SMOC2: variants seen among roughly 807,000 people sequenced by gnomAD.
SMOC2 encodes SPARC-related modular calcium-binding protein 2.
A neutral mutation model predicts 61.4 loss-of-function variants in SMOC2; 39 were observed. The ratio of observed to expected loss-of-function variants is 0.64; its 90% CI spans 0.49 to 0.83. The LOEUF (loss-of-function observed/expected upper bound fraction) is 0.83, where lower values mean the gene tolerates loss of function less well. Ranked by LOEUF, SMOC2 falls within the 40% of genes least tolerant of loss-of-function variation. SMOC2 has a pLI of 0.00. For missense variants in SMOC2, 556 were observed against 592.9 expected (o/e 0.94, Z 0.65); for synonymous variants, 247 against 239.9 (o/e 1.03, Z -0.27).
intron 1 of SMOC2, among the ~76,000 whole-genome samples, chr6:168,457,901 C>T (rs1239949942): frequency 6.6e-6 from 1 of 152,074 alleles, no homozygotes; most frequent in Non-Finnish European, 1.5e-5. Context: ...AGGTGGGGGG[C>T]CCTTGCAGCC....
At chr6:168,505,010 A>G (rs1782830279) in intron 1 of SMOC2, among the ~76,000 whole-genome samples, 1 of 152,198 alleles carries the variant, frequency 6.6e-6, no homozygotes, top group African/African-American at 2.4e-5. Context: ...TGCGAGATGA[A>G]TGAGTGAATG....
rs554527770 is a variant in SMOC2, at chr6:168,661,628, G to GT, written c.1286-2437dup. Among the ~76,000 whole-genome samples the GT allele has an allele frequency of 4.6e-5, 7 of 151,572 alleles. No individual in the cohort carries two copies. The South Asian group carries it at 6.3e-4, about 14-fold the overall frequency. ...CCTCCCCCCAAAAAAAAGAATATTAGTTTTTTTTTATAACTTTAATTTACA... is the reference window on the plus strand; with the variant it reads ...CCTCCCCCCAAAAAAAAGAATATTAGTTTTTTTTTTATAACTTTAATTTACA... On this transcript the variant is annotated intron_variant, in intron 11 of 12. Transcript: ENST00000356284.
intron 4 of SMOC2, among the ~76,000 whole-genome samples, chr6:168,540,991 G>T (rs13208789): frequency 0.24 from 36,602 of 152,126 alleles, 5,804 homozygotes; most frequent in Non-Finnish European, 0.35. Context: ...GCATAACACC[G>T]TTCCCTCCAC....
intron 1 of SMOC2, among the ~76,000 whole-genome samples, chr6:168,451,599 G>GTCTCTGTC (rs1781465084): frequency 1.4e-5 from 2 of 145,532 alleles, no homozygotes; most frequent in African/African-American, 2.5e-5. Flanking sequence ...CTCTGTCTCT[G>GTCTCTGTC]TCTCTCTCTC....
intron 2 of SMOC2, among the ~76,000 whole-genome samples, chr6:168,513,480 TACATACACACAC>T (rs1255933516): frequency 6.0e-3 from 34 of 5,654 alleles, no homozygotes; most frequent in African/African-American, 9.8e-3. Flanking sequence ...CACACACACA[TACATACACACAC>T]ACACACACAC....
Position 168,549,130 on chromosome 6 carries a change from T to G in SMOC2, c.564T>G (p.Asp188Glu), listed in dbSNP as rs749504038. 1 of 1,613,822 alleles carries G rather than the reference T, an allele frequency of 6.2e-7. No homozygotes were observed. The highest frequency in any genetic ancestry group is 1.1e-5 in the South Asian group (1 of 91,048). ...TTGTCATTTCATTTTGGTTCATAGATATTGCATCACGTTACCCTACCCTTT... is the reference window on the plus strand; with the variant it reads ...TTGTCATTTCATTTTGGTTCATAGAGATTGCATCACGTTACCCTACCCTTT... ...LETQPQGDEE[D>E]IASRYPTLWT... Residue 188 changes from aspartate to glutamate, a missense_variant and splice_region_variant, in exon 7 of 13, where the codon GAT becomes GAG. Asp to Glu is a conservative substitution (Grantham distance 45). Transcript: ENST00000356284.
chr6:168,667,429 G>C lies in SMOC2; in HGVS notation c.*991G>C, dbSNP rs942757471. 6.6e-6 allele frequency: 1 copy of C among 152,224 alleles called. No homozygotes were observed. The highest frequency in any genetic ancestry group is 2.1e-4 in the South Asian group (1 of 4,834). The allele number at this position is 152,224 out of a possible 1,614,324, so 9.4% of individuals were successfully genotyped here. A position where few individuals can be genotyped will look rare whatever the true frequency, so the allele number is the denominator to read the frequency against. On this transcript the variant is annotated 3_prime_UTR_variant, in exon 13 of 13. Coordinates refer to ENST00000356284, the MANE Select transcript of SMOC2 (RefSeq NM_001166412.2). ...CCCCGGGGCTGGTGTTGGCAGCCGG[G>C]GGGAGGTGCCTGAGGGTCCCCACGG...
chr6:168,531,423 T>G (rs980727427), intron 4 of SMOC2, among the ~76,000 whole-genome samples: 26 of 152,354 alleles, frequency 1.7e-4, no homozygotes, highest in African/African-American at 5.5e-4. Flanking sequence ...TCCCCACATG[T>G]ACACATTTCT....
At chr6:168,595,721 C>T (rs1427205589) in intron 7 of SMOC2, among the ~76,000 whole-genome samples, 2 of 152,212 alleles carry the variant, frequency 1.3e-5, no homozygotes, top group Non-Finnish European at 2.9e-5. Flanking sequence ...TTTATATAAA[C>T]ATACACGAAG....
At chr6:168,527,543 C>T (rs539457048) in intron 3 of SMOC2, 85 bp from the exon 4 acceptor site, 7 of 954,488 alleles carry the variant, frequency 7.3e-6, no homozygotes, top group East Asian at 2.7e-5. Flanking sequence ...TGAGCCACTG[C>T]CGCAGAAAGC....
intron 7 of SMOC2, among the ~76,000 whole-genome samples, chr6:168,569,176 A>G (rs545789948): frequency 1.1e-3 from 162 of 152,334 alleles, no homozygotes; most frequent in Non-Finnish European, 1.4e-3. Flanking sequence ...CCTGCTTTGT[A>G]GCCTCCCCAG....
intron 11 of SMOC2, among the ~76,000 whole-genome samples, chr6:168,653,435 G>T (rs941693719): frequency 1.3e-5 from 2 of 152,270 alleles, no homozygotes; most frequent in African/African-American, 4.8e-5. Flanking sequence ...GAGAGCCCAG[G>T]CTCAAAGGGC....
intron 1 of SMOC2, among the ~76,000 whole-genome samples, chr6:168,493,635 C>T (rs897058803): frequency 6.6e-6 from 1 of 152,140 alleles, no homozygotes; most frequent in Non-Finnish European, 1.5e-5. Flanking sequence ...AGTATTGCAA[C>T]TTAAAATTAT....
intron 9 of SMOC2, among the ~76,000 whole-genome samples, chr6:168,623,149 A>T (rs995327623): frequency 1.2e-4 from 19 of 152,100 alleles, no homozygotes; most frequent in African/African-American, 4.3e-4. Context: ...GTATCTCTAT[A>T]GAAATGCTCT....
intron 11 of SMOC2, among the ~76,000 whole-genome samples, chr6:168,657,115 A>C (rs1052451148): frequency 6.6e-6 from 1 of 152,228 alleles, no homozygotes. Flanking sequence ...CCCACTCACC[A>C]CTGTGGGAAG....
chr6:168,584,227 G>C (rs1185562082), intron 7 of SMOC2, among the ~76,000 whole-genome samples: 1 of 152,218 alleles, frequency 6.6e-6, no homozygotes, highest in South Asian at 2.1e-4. Flanking sequence ...TGGACGTGAA[G>C]ACCACCTGTG....
intron 10 of SMOC2, 138 bp from the exon 11 acceptor site, chr6:168,652,816 T>C: frequency 1.5e-6 from 1 of 685,024 alleles, no homozygotes; most frequent in South Asian, 2.2e-5. Context: ...TTGTTATATC[T>C]GATGACCAGT....
chr6:168,644,213 T>C (rs1040689941), intron 9 of SMOC2, among the ~76,000 whole-genome samples: 1 of 152,106 alleles, frequency 6.6e-6, no homozygotes. Flanking sequence ...GCACACGTGT[T>C]TATGGACATG....
chr6:168,532,076 A>G (rs185307976), intron 4 of SMOC2, among the ~76,000 whole-genome samples: 29 of 152,266 alleles, frequency 1.9e-4, no homozygotes, highest in African/African-American at 6.7e-4. Context: ...TCTTGCTCAC[A>G]GTTTAGAGAT....
Sources: allele counts gnomAD v4.1 joint callset (sites outside exome capture counted in the v4.1 genomes callset), GRCh38; gene constraint gnomAD v4.1.1; transcripts MANE v1.5; gene names NCBI Gene and HGNC (gene_info 2026-07-23, HGNC 2026-07-21).